RYR2: variants seen among roughly 807,000 people sequenced by gnomAD.
RYR2 encodes the protein cardiac muscle ryanodine receptor-calcium release channel.
A neutral mutation model predicts 601.1 loss-of-function variants in RYR2; 227 were observed. That is an observed-to-expected ratio of 0.38 (90% CI 0.34 to 0.42). The LOEUF (loss-of-function observed/expected upper bound fraction) is 0.42. Among genes scored for constraint, RYR2 ranks in the 10% least tolerant of loss-of-function variants. The pLI is 1.00. For missense variants in RYR2, 4,646 were observed against 6,156.5 expected, an observed-to-expected ratio of 0.75 and a Z score of 8.21; for synonymous variants, 2,223 against 2,175.1, an observed-to-expected ratio of 1.02 and a Z score of -0.61.
rs1434292885 is a variant in RYR2 at position 237,377,334 on chromosome 1, T to A, written c.475T>A (p.Trp159Arg). 1 of 1,612,044 alleles carries A rather than the reference T, an allele frequency of 6.2e-7. No individual in the cohort carries two copies. The highest frequency in any genetic ancestry group is 8.5e-7 in the Non-Finnish European group (1 of 1,178,862). Residue 159 changes from tryptophan (W) to arginine (R), a missense_variant, in exon 8 of 105, where the codon TGG becomes AGG. Transcript: ENST00000366574. ...LQEDTTGEAC[W>R]WTIHPASKQR... ...CCGTATATCTGCAGGGGAGGCTTGT[T>A]GGTGGACCATACACCCTGCCTCTAA...
intron 90 of RYR2, 147 bp from the exon 91 acceptor site, chr1:237,785,822 A>G: frequency 3.0e-6 from 2 of 660,910 alleles, no homozygotes; most frequent in Non-Finnish European, 5.5e-6. Flanking sequence ...GCCCTATAAA[A>G]TGAAAAACAC....
intron 11 of RYR2, among the ~76,000 whole-genome samples, chr1:237,419,344 GT>G: frequency 6.6e-6 from 1 of 151,648 alleles, no homozygotes. Flanking sequence ...ATAGGACTTT[GT>G]TTTTATTGTT....
intron 17 of RYR2, among the ~76,000 whole-genome samples, chr1:237,486,548 G>A (rs2150387716): frequency 6.6e-6 from 1 of 152,204 alleles, no homozygotes; most frequent in East Asian, 1.9e-4. Flanking sequence ...TAGATTAAAA[G>A]TTAATTATAG....
rs748334310 is a variant in RYR2, at chr1:237,726,227, T to A, written c.10690-46T>A. On this transcript the variant is annotated intron_variant, in intron 74 of 104. Coordinates refer to ENST00000366574, the MANE Select transcript of RYR2 (RefSeq NM_001035.3). ...ACTCTTTACTGCAAAGGATAATAAA[T>A]GTAGTTTTACTTTTTTAGCTAACAT... 6.3e-6 allele frequency: 8 copies of A among 1,266,306 alleles called. No individual in the cohort carries two copies. The South Asian group carries it at 1.0e-4, about 17-fold the overall frequency. The allele number at this position is 1,266,306 out of a possible 1,614,324, so 78.4% of individuals were successfully genotyped here.
chr1:237,287,200 C>T (rs1293362782), intron 2 of RYR2, among the ~76,000 whole-genome samples: 1 of 152,140 alleles, frequency 6.6e-6, no homozygotes, highest in African/African-American at 2.4e-5. Context: ...ATAGGTTTTC[C>T]TTTATAGGCT....
intron 94 of RYR2, 47 bp downstream of exon 94, chr1:237,792,370 T>TGCGCGCGC (rs1553327318): frequency 2.3e-5 from 22 of 945,888 alleles, no homozygotes; most frequent in Admixed American, 1.4e-4. Flanking sequence ...TGTGTGTGTG[T>TGCGCGCGC]GTGTGTGTGT....
chr1:237,190,705 C>T (rs542743602), intron 1 of RYR2, among the ~76,000 whole-genome samples: 234 of 152,252 alleles, frequency 1.5e-3, no homozygotes, highest in South Asian at 3.9e-3. Flanking sequence ...TTAAAGTATA[C>T]AGGAGAATGT....
rs757779817 is a variant in RYR2, at chr1:237,788,112, A to G, written c.13453A>G (p.Ile4485Val). 1 of 1,611,914 alleles carries G rather than the reference A, an allele frequency of 6.2e-7. No individual in the cohort carries two copies. Among genetic ancestry groups the G allele is most frequent in the Non-Finnish European group, 8.5e-7 (1 of 1,178,834 alleles). Residue 4485 changes from isoleucine (I) to valine (V), a missense_variant, in exon 92 of 105, where the codon ATA (isoleucine) becomes GTA (valine). By Grantham distance (29) the Ile-to-Val change is conservative (BLOSUM62 3). Coordinates refer to ENST00000366574, the MANE Select transcript of RYR2 (RefSeq NM_001035.3). The part of the protein sequence containing the change: ...VPESAFWKKI[I>V]AYQQKLLNYF... Reference sequence around the variant, plus strand: ...AGAGTCAGCATTCTGGAAGAAAATCATAGCATATCAACAGAAACTTCTAGT... The same window carrying G: ...AGAGTCAGCATTCTGGAAGAAAATCGTAGCATATCAACAGAAACTTCTAGT...
chr1:237,259,714 G>A (rs1203865048), intron 1 of RYR2, among the ~76,000 whole-genome samples: 2 of 152,046 alleles, frequency 1.3e-5, no homozygotes, highest in African/African-American at 4.8e-5. Context: ...TTGCACATGG[G>A]GGGAATTCGT....
chr1:237,116,571 AATTTACT>A (rs1670106290), intron 1 of RYR2, among the ~76,000 whole-genome samples: 1 of 152,128 alleles, frequency 6.6e-6, no homozygotes, highest in Admixed American at 6.6e-5. Flanking sequence ...ACACATATAT[AATTTACT>A]ATTTACTATA....
Position 237,716,286 on chromosome 1 carries a change from A to G in RYR2, c.10324-912A>G, listed in dbSNP as rs191365932. On this transcript the variant is annotated intron_variant, in intron 71 of 104. Coordinates refer to ENST00000366574, the MANE Select transcript of RYR2 (RefSeq NM_001035.3). ...ACAAATCATTTGTATATTAAATTCT[A>G]TTATGTTTTTTCTCAATAGCCCAAG... Among the ~76,000 whole-genome samples, 25 of 152,186 alleles carry G rather than the reference A, an allele frequency of 1.6e-4. No homozygotes were observed. The East Asian group carries it at 4.6e-3, about 28-fold the overall frequency.
In RYR2 at chr1:237,700,473, TA is replaced by T. The variant is rs752819648; in HGVS notation, c.9367+9del. On this transcript the variant is annotated splice_region_variant and intron_variant, in intron 65 of 104. Transcript: ENST00000366574. ...GTTCGGAGAAGACCTAATATGTATG[TA>T]AATTTATATCTTGGAGTTTTTTTTT... 5 of 1,406,072 alleles carry T rather than the reference TA, an allele frequency of 3.6e-6. No individual in the cohort carries two copies. Among genetic ancestry groups the T allele is most frequent in the African/African-American group, 1.4e-5 (1 of 69,616 alleles). The allele number at this position is 1,406,072 out of a possible 1,614,324, so 87.1% of individuals were successfully genotyped here.
rs187569772 is a variant in RYR2 at position 237,741,561 on chromosome 1, G to A, written c.11092-735G>A. Among the ~76,000 whole-genome samples the A allele has an allele frequency of 2.0e-5, 3 of 152,134 alleles. No individual in the cohort carries two copies. In the East Asian group the frequency reaches 5.8e-4, roughly 29 times the overall value. ...ACTACAGACCATAATAATAATAGCA[G>A]CTGAGATGTATTAAAAGCATGTATT... On this transcript the variant is annotated intron_variant, in intron 79 of 104. Transcript: ENST00000366574.
chr1:237,191,731 G>A (rs1679988356), intron 1 of RYR2, among the ~76,000 whole-genome samples: 1 of 152,132 alleles, frequency 6.6e-6, no homozygotes, highest in Non-Finnish European at 1.5e-5. Flanking sequence ...GATCTAAACA[G>A]TGATTATTTC....
chr1:237,634,619 C>A (rs1237697246), intron 43 of RYR2, among the ~76,000 whole-genome samples: 1 of 152,106 alleles, frequency 6.6e-6, no homozygotes, highest in Admixed American at 6.5e-5. Context: ...TTTCACCACA[C>A]AAAAGTGTAT....
At chr1:237,374,360 A>G (rs926417338) in intron 6 of RYR2, among the ~76,000 whole-genome samples, 5 of 137,738 alleles carry the variant, frequency 3.6e-5, no homozygotes, top group Non-Finnish European at 4.6e-5. Flanking sequence ...ATCTCTATGG[A>G]AAAAAAAAAA....
chr1:237,327,277 GA>G (rs1328718881), intron 2 of RYR2, among the ~76,000 whole-genome samples: 1 of 152,072 alleles, frequency 6.6e-6, no homozygotes, highest in African/African-American at 2.4e-5. Context: ...AAGACACAGG[GA>G]ATTGCCTTTG....
intron 10 of RYR2, among the ~76,000 whole-genome samples, chr1:237,394,560 C>T (rs1702656041): frequency 6.6e-6 from 1 of 152,190 alleles, no homozygotes; most frequent in Admixed American, 6.5e-5. Context: ...CCAAAGGTAC[C>T]AGCAGCAGAA....
intron 100 of RYR2, among the ~76,000 whole-genome samples, chr1:237,811,448 T>A (rs1450945975): frequency 6.6e-6 from 1 of 152,228 alleles, no homozygotes; most frequent in Non-Finnish European, 1.5e-5. Context: ...ATTCTTTTAT[T>A]TACTAATTTA....
Sources: gnomAD v4.1 joint callset for allele counts (sites outside exome capture counted in the v4.1 genomes callset) on GRCh38, gnomAD v4.1.1 for gene constraint, MANE v1.5 for transcripts, NCBI Gene and HGNC (gene_info 2026-07-23, HGNC 2026-07-21) for gene names.